ACYP2: variants seen among roughly 807,000 people sequenced by gnomAD.
ACYP2 encodes acylphosphatase-2.
A neutral mutation model predicts 11.2 loss-of-function variants in ACYP2; 12 were observed. That is an observed-to-expected ratio of 1.08 (90% CI 0.69 to 1.74). The LOEUF (loss-of-function observed/expected upper bound fraction) is 1.74. Ranked by LOEUF, ACYP2 falls within the 40% of genes most tolerant of loss-of-function variation. ACYP2 has a pLI of 0.00. For missense variants in ACYP2, 134 were observed against 101.9 expected (o/e 1.31, Z -1.35); for synonymous variants, 43 against 32.2 (o/e 1.33, Z -1.13).
At chr2:54,064,468 T>C (rs1676634039) in intron 4 of ACYP2, among the ~76,000 whole-genome samples, 1 of 152,220 alleles carries the variant, frequency 6.6e-6, no homozygotes, top group Non-Finnish European at 1.5e-5. Context: ...GCCATATCTT[T>C]TATAAATTTC....
chr2:54,217,518 C>T (rs1013389700), intron 6 of ACYP2, among the ~76,000 whole-genome samples: 2 of 151,790 alleles, frequency 1.3e-5, no homozygotes, highest in African/African-American at 4.9e-5. Context: ...AGGTGCACAC[C>T]ACTGTCCCTG....
In ACYP2 at chr2:54,209,462, G is replaced by C. The variant is rs13386073; in HGVS notation, c.404+70714G>C. ...GTGTGACTCTCTGATCAGTCAACAA[G>C]TACACTTCTTATAAGGTATGTCTTA... On this transcript the variant is annotated intron_variant, in intron 6 of 6. Coordinates refer to ENST00000607452, the MANE Select transcript of ACYP2 (RefSeq NM_001320586.2). Among the ~76,000 whole-genome samples the C allele has an allele frequency of 9.6e-3, 1,463 of 152,206 alleles. 22 individuals are homozygous for C. The highest frequency in any genetic ancestry group is 0.034 in the African/African-American group (1,397 of 41,526).
chr2:54,197,572 T>A (rs999416227), intron 6 of ACYP2, among the ~76,000 whole-genome samples: 1 of 152,134 alleles, frequency 6.6e-6, no homozygotes, highest in African/African-American at 2.4e-5. Context: ...CTTGGGGAAC[T>A]CCTTAGATGG....
intron 6 of ACYP2, among the ~76,000 whole-genome samples, chr2:54,152,604 C>A (rs1395382576): frequency 6.6e-6 from 1 of 152,164 alleles, no homozygotes; most frequent in Non-Finnish European, 1.5e-5. Context: ...TACTGTCTCC[C>A]TAGTTTTGCT....
chr2:54,182,031 A>G (rs1009069358), intron 6 of ACYP2, among the ~76,000 whole-genome samples: 2 of 149,814 alleles, frequency 1.3e-5, no homozygotes, highest in Non-Finnish European at 3.0e-5. Flanking sequence ...CAAAGAAAAC[A>G]GAAAAATAGA....
At chr2:54,185,542 T>A (rs9309254) in intron 6 of ACYP2, among the ~76,000 whole-genome samples, 2,141 of 152,088 alleles carry the variant, frequency 0.014, 65 homozygotes, top group African/African-American at 0.049. Flanking sequence ...GGGATTTTTT[T>A]AAAAAGAAAC....
intron 2 of ACYP2, among the ~76,000 whole-genome samples, chr2:53,994,069 G>A (rs766140444): frequency 3.3e-5 from 5 of 151,992 alleles, no homozygotes; most frequent in South Asian, 2.1e-4. Context: ...AGTGGCTCAC[G>A]CCTGTAATCC....
chr2:54,121,944 G>A (rs752367755), intron 4 of ACYP2, among the ~76,000 whole-genome samples: 7 of 152,230 alleles, frequency 4.6e-5, no homozygotes, highest in South Asian at 2.1e-4. Context: ...CTGGCTTGGA[G>A]AAGAAATTGT....
intron 2 of ACYP2, among the ~76,000 whole-genome samples, chr2:54,003,528 G>T (rs527262615): frequency 6.6e-6 from 1 of 152,316 alleles, no homozygotes; most frequent in South Asian, 2.1e-4. Flanking sequence ...CCAAAGTGCT[G>T]GGATTACAGG....
intron 6 of ACYP2, chr2:54,255,082 T>C (rs761270732): frequency 1.9e-6 from 3 of 1,614,160 alleles, no homozygotes; most frequent in Non-Finnish European, 2.5e-6. Flanking sequence ...TGGAAGGCTG[T>C]GGTCTGAAAA....
rs191355252 is a variant in ACYP2 at position 54,141,634 on chromosome 2, T to C, written c.404+2886T>C. 2.1e-3 allele frequency among the ~76,000 whole-genome samples: 319 copies of C among 152,344 alleles called. 3 individuals are homozygous for C. Among genetic ancestry groups the C allele is most frequent in the African/African-American group, 7.2e-3 (300 of 41,596 alleles). ...ATCTATTTCTCTGTTCCTACATCAGTATACCATATTGATTTAATTATACTA... is the reference window on the plus strand; with the variant it reads ...ATCTATTTCTCTGTTCCTACATCAGCATACCATATTGATTTAATTATACTA... On this transcript the variant is annotated intron_variant, in intron 6 of 6. Coordinates refer to ENST00000607452, the MANE Select transcript of ACYP2 (RefSeq NM_001320586.2).
At chr2:54,267,237 C>G (rs1027712505) in intron 6 of ACYP2, 10 of 1,521,600 alleles carry the variant, frequency 6.6e-6, no homozygotes, top group Admixed American at 6.6e-5. Context: ...CAAAGAAGCT[C>G]CCAATAAAAA....
chr2:54,243,732 G>A (rs952938510), intron 6 of ACYP2, among the ~76,000 whole-genome samples: 5 of 151,918 alleles, frequency 3.3e-5, no homozygotes, highest in African/African-American at 9.7e-5. Context: ...ACCACGGCTG[G>A]TTAATTTTTG....
chr2:54,000,252 G>A (rs768538745), intron 2 of ACYP2, among the ~76,000 whole-genome samples: 1 of 152,082 alleles, frequency 6.6e-6, no homozygotes. Context: ...CCAGACTCTT[G>A]TGTAGTTATT....
chr2:54,274,579 G>T (rs843745), intron 6 of ACYP2, among the ~76,000 whole-genome samples: 91,439 of 143,622 alleles, frequency 0.64, 29,092 homozygotes, highest in Admixed American at 0.73. Context: ...GTGAGCCATG[G>T]TCACACCACT....
intron 6 of ACYP2, among the ~76,000 whole-genome samples, chr2:54,188,043 C>G (rs999078573): frequency 1.3e-5 from 2 of 152,066 alleles, no homozygotes; most frequent in African/African-American, 4.8e-5. Flanking sequence ...CTGTCGTAGC[C>G]CTGATCTTGG....
intron 6 of ACYP2, among the ~76,000 whole-genome samples, chr2:54,303,302 G>T (rs142344928): frequency 0.015 from 2,244 of 152,244 alleles, 19 homozygotes; most frequent in Non-Finnish European, 0.022. Flanking sequence ...AGTGAGCCAT[G>T]ATCATGCCAC....
intron 6 of ACYP2, among the ~76,000 whole-genome samples, chr2:54,277,089 C>T (rs924462989): frequency 3.9e-5 from 6 of 152,062 alleles, no homozygotes; most frequent in Admixed American, 2.6e-4. Context: ...CTGTAATGAC[C>T]ATTCTTGAGG....
chr2:54,220,058 GAGCAA>G (rs1320820095), intron 6 of ACYP2, among the ~76,000 whole-genome samples: 2 of 151,342 alleles, frequency 1.3e-5, no homozygotes. Flanking sequence ...AAACACTTTT[GAGCAA>G]AGCAGTTGAT....
Sources: allele counts gnomAD v4.1 joint callset (sites outside exome capture counted in the v4.1 genomes callset), GRCh38; gene constraint gnomAD v4.1.1; transcripts MANE v1.5; gene names NCBI Gene and HGNC (gene_info 2026-07-23, HGNC 2026-07-21).